Variants in FGFR1OP2 observed in about 807,000 individuals in gnomAD.
The protein encoded by FGFR1OP2 is fibroblast growth factor receptor 1 oncogene partner 2.
A neutral mutation model predicts 35.2 loss-of-function variants in FGFR1OP2; 17 were observed. The ratio of observed to expected loss-of-function variants is 0.48; its 90% CI spans 0.33 to 0.73. The LOEUF (loss-of-function observed/expected upper bound fraction) is 0.73, where lower values mean the gene tolerates loss of function less well. Ranked by LOEUF, FGFR1OP2 falls within the 30% of genes least tolerant of loss-of-function variation. FGFR1OP2 has a pLI of 0.02. For synonymous variants in FGFR1OP2, 105 were observed against 104.6 expected, an observed-to-expected ratio of 1.00 and a Z score of -0.03; for missense variants, 251 against 307.3, an observed-to-expected ratio of 0.82 and a Z score of 1.37.
chr12:26,950,655 A>G (rs79716120), intron 1 of FGFR1OP2, among the ~76,000 whole-genome samples: 13,957 of 152,282 alleles, frequency 0.092, 818 homozygotes, highest in East Asian at 0.18. Flanking sequence ...GCTCCATCTT[A>G]GTGGAGCACA....
intron 1 of FGFR1OP2, among the ~76,000 whole-genome samples, chr12:26,949,613 T>G (rs1938884327): frequency 6.6e-6 from 1 of 152,076 alleles, no homozygotes; most frequent in Non-Finnish European, 1.5e-5. Flanking sequence ...AGTTTTGCTC[T>G]TGTTGCCCAG....
At chr12:26,953,317 A>AGGGTAAGTG (rs1938967024) in intron 1 of FGFR1OP2, among the ~76,000 whole-genome samples, 1 of 151,178 alleles carries the variant, frequency 6.6e-6, no homozygotes, top group Non-Finnish European at 1.5e-5. Context: ...AAGGAGGGTA[A>AGGGTAAGTG]GTGTAAGTTT....
At chr12:26,960,369 A>G (rs946811783) in intron 4 of FGFR1OP2, 146 bp from the exon 5 acceptor site, 14 of 456,978 alleles carry the variant, frequency 3.1e-5, no homozygotes, top group African/African-American at 2.0e-4. Context: ...ACTAATTTTC[A>G]TGTTATTTTT....
chr12:26,952,898 A>G (rs765908730), intron 1 of FGFR1OP2, among the ~76,000 whole-genome samples: 1 of 152,094 alleles, frequency 6.6e-6, no homozygotes, highest in Non-Finnish European at 1.5e-5. Flanking sequence ...ATTTAGTGTG[A>G]TTTTATTTTT....
intron 1 of FGFR1OP2, among the ~76,000 whole-genome samples, chr12:26,944,153 T>C (rs1938783895): frequency 6.6e-6 from 1 of 152,180 alleles, no homozygotes; most frequent in South Asian, 2.1e-4. Flanking sequence ...GCTAAAATCA[T>C]GTAGTAGTTT....
At chr12:26,946,568 C>T (rs1938825549) in intron 1 of FGFR1OP2, among the ~76,000 whole-genome samples, 1 of 152,198 alleles carries the variant, frequency 6.6e-6, no homozygotes, top group South Asian at 2.1e-4. Context: ...CCTTGGCCTC[C>T]CAAAGTGCTG....
intron 5 of FGFR1OP2, chr12:26,962,112 C>T (rs781624480): frequency 6.6e-6 from 1 of 152,118 alleles, no homozygotes; most frequent in South Asian, 2.1e-4. Flanking sequence ...GTCACTAATG[C>T]GTTTGAGGGA....
chr12:26,947,562 T>C (rs530137337), intron 1 of FGFR1OP2, among the ~76,000 whole-genome samples: 1 of 152,222 alleles, frequency 6.6e-6, no homozygotes, highest in East Asian at 1.9e-4. Context: ...TTAAATTTTT[T>C]GTAGAGACAG....
intron 6 of FGFR1OP2, 42 bp downstream of exon 6, chr12:26,963,497 A>T (rs750044727): frequency 1.5e-6 from 2 of 1,305,572 alleles, no homozygotes; most frequent in African/African-American, 3.0e-5. Context: ...CTGTCCATAT[A>T]AAGATTTATG....
intron 1 of FGFR1OP2, among the ~76,000 whole-genome samples, chr12:26,950,213 G>GTGTTTT (rs1325830058): frequency 2.0e-5 from 1 of 50,934 alleles, no homozygotes; most frequent in African/African-American, 8.1e-5. Context: ...TGTATTCGTT[G>GTGTTTT]TTTTTTTTTT....
intron 1 of FGFR1OP2, among the ~76,000 whole-genome samples, chr12:26,942,580 A>G (rs1938753815): frequency 6.6e-6 from 1 of 152,214 alleles, no homozygotes; most frequent in Admixed American, 6.5e-5. Flanking sequence ...ACAGTGACTT[A>G]TACATATTAG....
chr12:26,942,036 T>G (rs183441636), intron 1 of FGFR1OP2, among the ~76,000 whole-genome samples: 1 of 151,858 alleles, frequency 6.6e-6, no homozygotes, highest in African/African-American at 2.4e-5. Flanking sequence ...GCTTTGTTGG[T>G]TTGTTTGTTT....
chr12:26,953,360 T>C (rs1000897513), intron 1 of FGFR1OP2, among the ~76,000 whole-genome samples: 2 of 151,952 alleles, frequency 1.3e-5, no homozygotes, highest in African/African-American at 4.8e-5. Context: ...AAAGAGACTT[T>C]AAAATTATTA....
intron 1 of FGFR1OP2, among the ~76,000 whole-genome samples, chr12:26,941,736 A>G (rs1565845951): frequency 6.6e-6 from 1 of 152,102 alleles, no homozygotes; most frequent in Non-Finnish European, 1.5e-5. Flanking sequence ...AATATTTGAA[A>G]TTTTTTTATT....
intron 5 of FGFR1OP2, chr12:26,961,900 A>G (rs1036474670): frequency 3.9e-5 from 6 of 152,228 alleles, no homozygotes; most frequent in East Asian, 1.9e-4. Flanking sequence ...CTGCTTTTAC[A>G]TATTATGCTT....
intron 3 of FGFR1OP2, 115 bp downstream of exon 3, chr12:26,956,775 A>C: frequency 2.2e-6 from 1 of 458,830 alleles, no homozygotes; most frequent in Non-Finnish European, 3.9e-6. Flanking sequence ...ACATCCTCTT[A>C]GATTCTCACC....
At chr12:26,959,945 A>G (rs1045087262) in intron 4 of FGFR1OP2, among the ~76,000 whole-genome samples, 3 of 152,118 alleles carry the variant, frequency 2.0e-5, no homozygotes. Context: ...CCCAAAGTAG[A>G]TGAATTGTTA....
rs1939164529 is a variant in FGFR1OP2, at chr12:26,965,626, A to ATT, written c.*893_*894insTT. 1.3e-5 allele frequency: 2 copies of ATT among 150,938 alleles called. No individual in the cohort carries two copies. The highest frequency in any genetic ancestry group is 4.2e-4 in the South Asian group (2 of 4,788). The allele number at this position is 150,938 out of a possible 1,614,324, so 9.3% of individuals were successfully genotyped here. The stretch of plus-strand genomic sequence containing the variant: ...ATTGGGAATTCCTCTGGCTCATAGA[A>ATT]CCCTTTTTTTTTTCCTTTAAGTATT... On this transcript the variant is annotated 3_prime_UTR_variant, in exon 7 of 7. Coordinates refer to ENST00000229395, the MANE Select transcript of FGFR1OP2 (RefSeq NM_015633.3).
intron 5 of FGFR1OP2, chr12:26,962,749 G>A (rs1939121250): frequency 1.3e-5 from 2 of 152,178 alleles, no homozygotes; most frequent in Non-Finnish European, 2.9e-5. Context: ...ATTTTCAATA[G>A]TTAGCAAAGA....
Sources: allele counts gnomAD v4.1 joint callset (sites outside exome capture counted in the v4.1 genomes callset), GRCh38; gene constraint gnomAD v4.1.1; transcripts MANE v1.5; gene names NCBI Gene and HGNC (gene_info 2026-07-23, HGNC 2026-07-21).